The following ABCC2 variants were observed in gnomAD, a reference collection of about 807,000 sequenced individuals.
ABCC2 encodes ATP-binding cassette sub-family C member 2.
A neutral mutation model predicts 173.4 loss-of-function variants in ABCC2; 157 were observed. The observed-to-expected ratio is 0.91, with a 90% CI of 0.80 to 1.03. The LOEUF is 1.03. Ranked by LOEUF, ABCC2 falls within the 50% of genes least tolerant of loss-of-function variation. ABCC2 has a pLI of 0.00. For missense variants in ABCC2, 1,822 were observed against 1,852.3 expected (o/e 0.98, Z 0.30); for synonymous variants, 657 against 693.5 (o/e 0.95, Z 0.83).
At chr10:99,842,491 T>C (rs1257916226) in intron 26 of ABCC2, among the ~76,000 whole-genome samples, 1 of 152,154 alleles carries the variant, frequency 6.6e-6, no homozygotes, top group Non-Finnish European at 1.5e-5. Context: ...CGTAGAATAA[T>C]TGGAGGTAAT....
chr10:99,795,733 AAG>A (rs1438605244), intron 6 of ABCC2, among the ~76,000 whole-genome samples: 1 of 140,558 alleles, frequency 7.1e-6, no homozygotes, highest in Non-Finnish European at 1.5e-5. Flanking sequence ...GAAAGAAAGA[AAG>A]AAGGAAAGAA....
intron 2 of ABCC2, among the ~76,000 whole-genome samples, chr10:99,790,397 G>A (rs767925246): frequency 2.0e-5 from 3 of 151,444 alleles, no homozygotes; most frequent in Admixed American, 6.6e-5. Flanking sequence ...GAGTTATTAG[G>A]GTATTTTTAA....
In ABCC2 at chr10:99,823,611, G is replaced by A. The variant is rs187993913; in HGVS notation, c.2620+4342G>A. 1.5e-3 allele frequency among the ~76,000 whole-genome samples: 224 copies of A among 147,852 alleles called. 1 individual carries two copies. The highest frequency in any genetic ancestry group is 3.6e-3 in the Admixed American group (53 of 14,794). ...TGGAGTTTTGATTACTCGTTCCTTCGGCCCTGTGTAAGCTGCTTTTCCATT... is the reference window on the plus strand; with the variant it reads ...TGGAGTTTTGATTACTCGTTCCTTCAGCCCTGTGTAAGCTGCTTTTCCATT... On this transcript the variant is annotated intron_variant, in intron 19 of 31. Coordinates refer to ENST00000647814, the MANE Select transcript of ABCC2 (RefSeq NM_000392.5).
chr10:99,794,162 C>T (rs2037856618), intron 5 of ABCC2, among the ~76,000 whole-genome samples, 163 bp downstream of exon 5: 1 of 147,128 alleles, frequency 6.8e-6, no homozygotes, highest in Non-Finnish European at 1.5e-5. Flanking sequence ...GAGTAAAATA[C>T]TGACTTTTAC....
At chr10:99,832,773 T>G (rs1590183459) in intron 23 of ABCC2, among the ~76,000 whole-genome samples, 1 of 152,344 alleles carries the variant, frequency 6.6e-6, no homozygotes, top group Non-Finnish European at 1.5e-5. Context: ...ATTGTTTCCA[T>G]CTACCACAGA....
At position 99,843,847 on chromosome 10, in the gene ABCC2, A is replaced by G; in HGVS notation, c.3790A>G (p.Thr1264Ala). 1 of 1,614,226 alleles carries G rather than the reference A, an allele frequency of 6.2e-7. No homozygotes were observed. The stretch of plus-strand genomic sequence containing the variant: ...GGTGAGGATGACATCAGAAATAGAG[A>G]CCAACATTGTGGCTGTTGAGCGAAT... The part of the protein sequence containing the change: ...WLVRMTSEIE[T>A]NIVAVERITE... The change falls in exon 27 of 32, where the codon ACC (threonine) becomes GCC (alanine). Residue 1264 changes from threonine to alanine, a missense_variant. Physicochemically the swap from Thr to Ala is moderately conservative, Grantham distance 58. Coordinates refer to ENST00000647814, the MANE Select transcript of ABCC2 (RefSeq NM_000392.5).
At chr10:99,790,924 G>C (rs1022347233) in intron 2 of ABCC2, among the ~76,000 whole-genome samples, 1 of 152,044 alleles carries the variant, frequency 6.6e-6, no homozygotes, top group African/African-American at 2.4e-5. Context: ...AGATGGATAG[G>C]GGCATAAAAG....
At chr10:99,792,173 C>A in intron 2 of ABCC2, 61 bp from the exon 3 acceptor site, 3 of 1,608,024 alleles carry the variant, frequency 1.9e-6, no homozygotes, top group South Asian at 1.1e-5. Flanking sequence ...GGAAACCATT[C>A]TGTTCTAAGA....
chr10:99,836,365 C>A, intron 25 of ABCC2, 75 bp downstream of exon 25: 1 of 1,456,404 alleles, frequency 6.9e-7, no homozygotes, highest in Non-Finnish European at 9.6e-7. Context: ...GGTGGGAGGG[C>A]AGGCATGGCT....
At position 99,793,859 on chromosome 10, in the gene ABCC2, G is replaced by T. The variant is rs372707938; in HGVS notation, c.469-33G>T. 43 of 1,593,206 alleles carry T rather than the reference G, an allele frequency of 2.7e-5. No homozygotes were observed. The African/African-American group carries it at 3.6e-4, about 13-fold the overall frequency. ...CATGTAGACTTCCTTTGGACAAAAG[G>T]CTCATTTTTCCTCTTTGTTTTTTTC... On this transcript the variant is annotated intron_variant, in intron 4 of 31. Coordinates refer to ENST00000647814, the MANE Select transcript of ABCC2 (RefSeq NM_000392.5).
chr10:99,837,089 C>G (rs1476008457), intron 25 of ABCC2, among the ~76,000 whole-genome samples: 1 of 150,808 alleles, frequency 6.6e-6, no homozygotes, highest in Admixed American at 6.6e-5. Flanking sequence ...CATACACATG[C>G]TGGAATTATT....
At chr10:99,825,047 T>C (rs1371187317) in intron 19 of ABCC2, among the ~76,000 whole-genome samples, 2 of 144,866 alleles carry the variant, frequency 1.4e-5, no homozygotes, top group Non-Finnish European at 3.0e-5. Context: ...TCTTTCTTGA[T>C]TTATTTTAGC....
rs1207777114 is a variant in ABCC2, at chr10:99,821,242, CTCAGTAGATGGAACATACAATCGGGTTT to C, written c.2620+1975_2620+2002del. On this transcript the variant is annotated intron_variant, in intron 19 of 31. Transcript: ENST00000647814. ...CAGCCCTAAGGCGGTTTTTCCCTAT[CTCAGTAGATGGAACATACAATCGGGTTT>C]TATACCGAGACATTCCATTGCCCAG... 2.6e-5 allele frequency among the ~76,000 whole-genome samples: 4 copies of C among 152,372 alleles called. No homozygotes were observed. The East Asian group carries it at 7.7e-4, about 29-fold the overall frequency.
At chr10:99,814,270 T>TATAC (rs1554850643) in intron 16 of ABCC2, among the ~76,000 whole-genome samples, 5 of 27,078 alleles carry the variant, frequency 1.8e-4, no homozygotes, top group African/African-American at 7.0e-4. Context: ...CACGTATGTA[T>TATAC]ACACACGTAT....
intron 16 of ABCC2, among the ~76,000 whole-genome samples, chr10:99,814,444 T>TATGTGTGTATATACATACACAC (rs1392260801): frequency 1.0e-5 from 1 of 96,278 alleles, no homozygotes; most frequent in Non-Finnish European, 2.0e-5. Context: ...TATACACACA[T>TATGTGTGTATATACATACACAC]ATGTGTGTAT....
chr10:99,813,249 TG>T, intron 16 of ABCC2, 105 bp downstream of exon 16: 1 of 1,415,158 alleles, frequency 7.1e-7, no homozygotes, highest in Non-Finnish European at 9.7e-7. Context: ...GGTGAGGTCT[TG>T]GAGACATCCG....
intron 20 of ABCC2, 128 bp from the exon 21 acceptor site, chr10:99,830,588 G>A (rs1008938169): frequency 3.2e-6 from 5 of 1,557,990 alleles, no homozygotes; most frequent in Non-Finnish European, 4.4e-6. Flanking sequence ...AAAGATCGGG[G>A]TTGTGTCAGT....
Position 99,798,040 on chromosome 10 carries a change from G to A in ABCC2, c.867+709G>A, listed in dbSNP as rs559958178. On this transcript the variant is annotated intron_variant, in intron 7 of 31. Coordinates refer to ENST00000647814, the MANE Select transcript of ABCC2 (RefSeq NM_000392.5). ...GCGCATGGGGTGAGATGGGCTCAAGGAAGTGGACAGGGATTAAGCTATGTG... is the reference window on the plus strand; with the variant it reads ...GCGCATGGGGTGAGATGGGCTCAAGAAAGTGGACAGGGATTAAGCTATGTG... The A allele has an allele frequency of 1.9e-5, 3 of 154,166 alleles. No individual in the cohort carries two copies. In the South Asian group the frequency reaches 6.1e-4, roughly 31 times the overall value. The allele number at this position is 154,166 out of a possible 1,614,324, so 9.5% of individuals were successfully genotyped here. A position where few individuals can be genotyped will look rare whatever the true frequency, so the allele number is the denominator to read the frequency against.
intron 1 of ABCC2, among the ~76,000 whole-genome samples, chr10:99,783,940 A>G (rs1219856170): frequency 1.3e-5 from 2 of 152,172 alleles, no homozygotes; most frequent in African/African-American, 4.8e-5. Flanking sequence ...TATTTATAGG[A>G]AAAGAAAAAT....
Sources: allele counts gnomAD v4.1 joint callset (sites outside exome capture counted in the v4.1 genomes callset), GRCh38; gene constraint gnomAD v4.1.1; transcripts MANE v1.5; gene names NCBI Gene and HGNC (gene_info 2026-07-23, HGNC 2026-07-21).